PLPPR3: variants seen among roughly 807,000 people sequenced by gnomAD.
PLPPR3 encodes the protein phospholipid phosphatase related 3.
PLPPR3 carries 14 observed loss-of-function variants against 27.3 expected under a neutral mutation model. The ratio of observed to expected loss-of-function variants is 0.51; its 90% CI spans 0.34 to 0.80. The LOEUF is 0.80. Ranked by LOEUF, PLPPR3 falls within the 30% of genes least tolerant of loss-of-function variation. The pLI, the probability that PLPPR3 is intolerant of heterozygous loss-of-function variation, is 0.01. For missense variants in PLPPR3, 1,287 were observed against 1,056.9 expected, an observed-to-expected ratio of 1.22 and a Z score of -3.02; for synonymous variants, 671 against 508.0, an observed-to-expected ratio of 1.32 and a Z score of -4.32.
chr19:815,694 C>G lies in PLPPR3; in HGVS notation c.233G>C (p.Ser78Thr). Residue 78 changes from serine (S) to threonine (T), a missense_variant, in exon 3 of 8, where the codon AGC becomes ACC. Ser to Thr is a moderately conservative substitution (Grantham distance 58, BLOSUM62 1). Transcript: ENST00000520876. ...EELIPLLMLL[S>T]LAFAAPAASI... ...GGCGGCAGGGGCCGCGAAGGCCAAGCTGAGCAGCATCAGCAGCGGGATGAG... is the reference window on the plus strand; with the variant it reads ...GGCGGCAGGGGCCGCGAAGGCCAAGGTGAGCAGCATCAGCAGCGGGATGAG... 1 of 1,603,648 alleles carries G rather than the reference C, an allele frequency of 6.2e-7. No individual in the cohort carries two copies. Among genetic ancestry groups the G allele is most frequent in the Non-Finnish European group, 8.5e-7 (1 of 1,175,848 alleles).
chr19:815,411 G>A (rs2035036357), intron 3 of PLPPR3, 84 bp from the exon 4 acceptor site: 1 of 1,399,196 alleles, frequency 7.1e-7, no homozygotes, highest in Non-Finnish European at 9.3e-7. Context: ...GTGCCCACAG[G>A]CTGGCACAGG....
chr19:812,874 C>A lies in PLPPR3; in HGVS notation c.1853G>T (p.Gly618Val). 2 of 1,190,864 alleles carry A rather than the reference C, an allele frequency of 1.7e-6. No homozygotes were observed. Among genetic ancestry groups the A allele is most frequent in the Non-Finnish European group, 2.1e-6 (2 of 957,822 alleles). 73.8% of individuals were successfully genotyped at this position (1,190,864 alleles called of 1,614,324 possible). The stretch of plus-strand genomic sequence containing the variant: ...GCGCGCCAGGTCCCCCAGCTCGTAG[C>A]CGCCGTCGGCCTCCGCCTTGGCCCC... ...GGGAKAEADG[G>V]YELGDLARGF... is the part of the protein sequence containing the mutation. The change falls in exon 8 of 8, where the codon GGC becomes GTC. Residue 618 changes from glycine to valine, a missense_variant. Physicochemically the swap from Gly to Val is moderately radical, Grantham distance 109. Transcript: ENST00000520876.
Position 813,310 on chromosome 19 carries a change from G to T in PLPPR3, c.1417C>A (p.Gln473Lys). The change falls in exon 8 of 8, where the codon CAG becomes AAG. Residue 473 changes from glutamine (Q) to lysine (K), a missense_variant. By Grantham distance (53) the Gln-to-Lys change is moderately conservative. Transcript: ENST00000520876. This position sits in a 1 kb window ranked among gnomAD's most constrained non-coding sequence, Gnocchi z 4.1. The part of the protein sequence containing the change: ...PAPPSLYPTV[Q>K]ARPGLGPRVI... ...CGAGGCCCCAGCCCCGGCCGCGCCT[G>T]CACGGTGGGGTAGAGCGAGGGCGGG... 1 of 1,464,858 alleles carries T rather than the reference G, an allele frequency of 6.8e-7. No homozygotes were observed. Among genetic ancestry groups the T allele is most frequent in the Admixed American group, 2.7e-5 (1 of 36,956 alleles). The allele number at this position is 1,464,858 out of a possible 1,614,324, so 90.7% of individuals were successfully genotyped here.
chr19:814,256 C>G (rs1319235629), intron 7 of PLPPR3, among the ~76,000 whole-genome samples, 178 bp downstream of exon 7: 2 of 143,992 alleles, frequency 1.4e-5, no homozygotes, highest in African/African-American at 5.3e-5. Flanking sequence ...CCGCCAGAAC[C>G]CCTGGGAACC....
In PLPPR3 at chr19:821,575, G is replaced by A. The variant is rs1363513017; in HGVS notation, c.-16C>T. On this transcript the variant is annotated 5_prime_UTR_variant, in exon 2 of 8. Transcript: ENST00000520876. Reference sequence around the variant, plus strand: ...TGGAGATCATGGTGCCGCGGGCGCCGCAGGCCGTGGCTGGAGGGGAGAAAG... The same window carrying A: ...TGGAGATCATGGTGCCGCGGGCGCCACAGGCCGTGGCTGGAGGGGAGAAAG... The A allele has an allele frequency of 6.8e-7, 1 of 1,470,762 alleles. No individual in the cohort carries two copies. The highest frequency in any genetic ancestry group is 1.3e-5 in the South Asian group (1 of 76,888). The allele number at this position is 1,470,762 out of a possible 1,614,324, so 91.1% of individuals were successfully genotyped here.
intron 7 of PLPPR3, among the ~76,000 whole-genome samples, chr19:814,181 C>A (rs999386598): frequency 1.3e-5 from 2 of 151,724 alleles, no homozygotes; most frequent in African/African-American, 4.8e-5. Flanking sequence ...CCTGGGCACC[C>A]GTGCCTCCCC....
upstream of PLPPR3, among the ~76,000 whole-genome samples, chr19:822,633 T>G (rs2035166072): frequency 6.6e-6 from 1 of 152,248 alleles, no homozygotes; most frequent in African/African-American, 2.4e-5. Context: ...GGCTGGGGGC[T>G]GCGGGATGCG....
Position 812,541 on chromosome 19 carries a change from G to GGGGCCCCCC in PLPPR3, c.*28_*29insGGGGGGCCC. 7 of 617,392 alleles carry GGGGCCCCCC rather than the reference G, an allele frequency of 1.1e-5. No individual in the cohort carries two copies. Among genetic ancestry groups the GGGGCCCCCC allele is most frequent in the Non-Finnish European group, 1.2e-5 (6 of 496,526 alleles). 38.2% of individuals were successfully genotyped at this position (617,392 alleles called of 1,614,324 possible). The stretch of plus-strand genomic sequence containing the variant: ...GCGCGGCCGCCCGCGCCCTCGGCCC[G>GGGGCCCCCC]CCCCCCGCCCGCCCCCGGCCCCGCC... On this transcript the variant is annotated 3_prime_UTR_variant, in exon 8 of 8. Coordinates refer to ENST00000520876, the MANE Select transcript of PLPPR3 (RefSeq NM_001270366.2).
chr19:812,604 A>T lies in PLPPR3; in HGVS notation c.2123T>A (p.Phe708Tyr). The change falls in exon 8 of 8, where the codon TTC becomes TAC. Residue 708 changes from phenylalanine to tyrosine, a missense_variant. Coordinates refer to ENST00000520876, the MANE Select transcript of PLPPR3 (RefSeq NM_001270366.2). ...REAEAEAEGY[F>Y]RKMQARRFPD ...GAAGCGGCGCGCCTGCATCTTGCGG[A>T]AGTAGCCCTCGGCCTCCGCCTCCGC... The T allele has an allele frequency of 6.4e-6, 7 of 1,093,542 alleles. No individual in the cohort carries two copies. Among genetic ancestry groups the T allele is most frequent in the Non-Finnish European group, 7.8e-6 (7 of 894,834 alleles). The allele number at this position is 1,093,542 out of a possible 1,614,324, so 67.7% of individuals were successfully genotyped here. A position where few individuals can be genotyped will look rare whatever the true frequency, so the allele number is the denominator to read the frequency against.
chr19:815,596 CGAG>C lies in PLPPR3; in HGVS notation c.261+67_261+69del, dbSNP rs1320593972. 2.8e-6 allele frequency: 4 copies of C among 1,447,060 alleles called. No homozygotes were observed. In the East Asian group the frequency reaches 9.9e-5, roughly 36 times the overall value. 89.6% of individuals were successfully genotyped at this position (1,447,060 alleles called of 1,614,324 possible). On this transcript the variant is annotated intron_variant, in intron 3 of 7. Coordinates refer to ENST00000520876, the MANE Select transcript of PLPPR3 (RefSeq NM_001270366.2). ...GACAGGCCCCAGTGTGGATGTTCAC[CGAG>C]GTGGCGGGGGTGGGCTCCCAGCCGT...
rs1330605200 is a variant in PLPPR3, at chr19:813,735, C to T, written c.992G>A (p.Arg331Gln). The T allele has an allele frequency of 1.9e-5, 29 of 1,524,648 alleles. No individual in the cohort carries two copies. Among genetic ancestry groups the T allele is most frequent in the Non-Finnish European group, 2.5e-5 (29 of 1,142,034 alleles). The allele number at this position is 1,524,648 out of a possible 1,614,324, so 94.4% of individuals were successfully genotyped here. A position where few individuals can be genotyped will look rare whatever the true frequency, so the allele number is the denominator to read the frequency against. ...CACGGGCCGGGGCGCGCCCTCCAGC[C>T]GCCCTGGGGGCCCCAGCTCGTCGGT... ...VSTDELGPPG[R>Q]LEGAPRPVAR... is the part of the protein sequence containing the mutation. The change falls in exon 8 of 8, where the codon CGG becomes CAG. Residue 331 changes from arginine to glutamine, a missense_variant. Arg to Gln is a conservative substitution (Grantham distance 43). Transcript: ENST00000520876. This position sits in a 1 kb window ranked among gnomAD's most constrained non-coding sequence, Gnocchi z 4.1.
intron 2 of PLPPR3, among the ~76,000 whole-genome samples, chr19:820,063 G>A (rs551387231): frequency 6.6e-6 from 1 of 152,244 alleles, no homozygotes. Flanking sequence ...GCCCAGGCTA[G>A]TCTTGAACTC....
upstream of PLPPR3, among the ~76,000 whole-genome samples, chr19:823,220 T>C (rs2035174305): frequency 6.6e-6 from 1 of 150,802 alleles, no homozygotes; most frequent in Non-Finnish European, 1.5e-5. Flanking sequence ...GGCGGGAGGA[T>C]CCCTTGAGGC....
At position 812,894 on chromosome 19, in the gene PLPPR3, G is replaced by A. The variant is rs996931991; in HGVS notation, c.1833C>T (p.Ala611=). The A allele has an allele frequency of 2.8e-5, 35 of 1,267,706 alleles. No individual in the cohort carries two copies. Among genetic ancestry groups the A allele is most frequent in the Admixed American group, 4.3e-5 (1 of 23,486 alleles). 78.5% of individuals were successfully genotyped at this position (1,267,706 alleles called of 1,614,324 possible). Reference sequence around the variant, plus strand: ...CGTAGCCGCCGTCGGCCTCCGCCTTGGCCCCGCCGCCCGCCGCCTTCCACT... The same window carrying A: ...CGTAGCCGCCGTCGGCCTCCGCCTTAGCCCCGCCGCCCGCCGCCTTCCACT... The part of the protein sequence containing the change: ...PWEWKAAGGG[A]KAEADGGYEL... Residue 611 remains alanine, a synonymous_variant, in exon 8 of 8, where the codon GCC becomes GCT. Transcript: ENST00000520876.
In PLPPR3 at chr19:813,493, TC is replaced by T; in HGVS notation, c.1233del (p.Trp411Ter). On this transcript the variant is annotated frameshift_variant, in exon 8 of 8. Transcript: ENST00000520876. LOFTEE classifies it low-confidence loss of function (END_TRUNC). This position sits in a 1 kb window ranked among gnomAD's most constrained non-coding sequence, Gnocchi z 4.1. ...ASRSKQLISE[W>X]KQKSLEGRGL... ...CCGCGGCCCTCCAGGCTCTTCTGCT[TC>T]CACTCGCTGATGAGCTGCTTGGAGC... is the stretch of plus-strand genomic sequence containing the variant. 1 of 1,551,204 alleles carries T rather than the reference TC, an allele frequency of 6.4e-7. No homozygotes were observed.
chr19:812,913 T>C lies in PLPPR3; in HGVS notation c.1814A>G (p.Lys605Arg). Reference protein sequence around the residue: ...LSAGGAPWEWKAAGGGAKAEA... With the variant: ...LSAGGAPWEWRAAGGGAKAEA... ...CGCCTTGGCCCCGCCGCCCGCCGCC[T>C]TCCACTCCCAGGGCGCGCCGCCGGC... The change falls in exon 8 of 8, where the codon AAG becomes AGG. Residue 605 changes from lysine (K) to arginine (R), a missense_variant. Physicochemically the swap from Lys to Arg is conservative, Grantham distance 26. Transcript: ENST00000520876. 1 of 1,311,032 alleles carries C rather than the reference T, an allele frequency of 7.6e-7. No individual in the cohort carries two copies. The highest frequency in any genetic ancestry group is 9.7e-7 in the Non-Finnish European group (1 of 1,026,224). The allele number at this position is 1,311,032 out of a possible 1,614,324, so 81.2% of individuals were successfully genotyped here. A position where few individuals can be genotyped will look rare whatever the true frequency, so the allele number is the denominator to read the frequency against.
Position 813,395 on chromosome 19 carries a change from TTCCTCC to T in PLPPR3, c.1326_1331del (p.Glu446_Glu447del). The T allele has an allele frequency of 6.7e-7, 1 of 1,501,656 alleles. No homozygotes were observed. 93.0% of individuals were successfully genotyped at this position (1,501,656 alleles called of 1,614,324 possible). ...CCTCTTCCTCTTCGTCCTCCTCCTCTTCCTCCTCCTCCGCCATGGGTTCGGCGGGCG... is the reference window on the plus strand; with the variant it reads ...CCTCTTCCTCTTCGTCCTCCTCCTCTTCCTCCGCCATGGGTTCGGCGGGCG... On this transcript the variant is annotated inframe_deletion, in exon 8 of 8. Coordinates refer to ENST00000520876, the MANE Select transcript of PLPPR3 (RefSeq NM_001270366.2). This position sits in a 1 kb window ranked among gnomAD's most constrained non-coding sequence, Gnocchi z 4.1.
chr19:813,326 C>T lies in PLPPR3; in HGVS notation c.1401G>A (p.Ser467=). Residue 467 remains serine, a synonymous_variant, in exon 8 of 8, where the codon TCG becomes TCA. Transcript: ENST00000520876. The surrounding 1 kb of genome is among the most constrained non-coding windows in gnomAD (Gnocchi z 4.1). The stretch of plus-strand genomic sequence containing the variant: ...GCCGCGCCTGCACGGTGGGGTAGAG[C>T]GAGGGCGGGGCCGGGCCCTCGTCCT... ...EEEDEGPAPP[S]LYPTVQARPG... 6.8e-7 allele frequency: 1 copy of T among 1,469,354 alleles called. No homozygotes were observed. 91.0% of individuals were successfully genotyped at this position (1,469,354 alleles called of 1,614,324 possible). A position where few individuals can be genotyped will look rare whatever the true frequency, so the allele number is the denominator to read the frequency against.
chr19:814,032 C>G, intron 7 of PLPPR3, 137 bp from the exon 8 acceptor site: 1 of 817,064 alleles, frequency 1.2e-6, no homozygotes. Flanking sequence ...CGGTTCCCAC[C>G]CCAAGGTTGC....
Sources: gnomAD v4.1 joint callset for allele counts (sites outside exome capture counted in the v4.1 genomes callset) on GRCh38, gnomAD v4.1.1 for gene constraint, Gnocchi (gnomAD v3.1) non-coding constraint, MANE v1.5 for transcripts, NCBI Gene and HGNC (gene_info 2026-07-23, HGNC 2026-07-21) for gene names.